Variants in C9orf72 observed in about 807,000 individuals in gnomAD.
C9orf72 encodes the protein C9orf72-SMCR8 complex subunit.
A neutral mutation model predicts 51.6 loss-of-function variants in C9orf72; 44 were observed. The ratio of observed to expected loss-of-function variants is 0.85; its 90% confidence interval spans 0.67 to 1.10. C9orf72 has a LOEUF of 1.10. Among genes scored for constraint, C9orf72 ranks in the 50% least tolerant of loss-of-function variants. The pLI is 0.00. For synonymous variants in C9orf72, 213 were observed against 194.2 expected (o/e 1.10, Z -0.81); for missense variants, 607 against 570.6 (o/e 1.06, Z -0.65).
At chr9:27,561,793 A>G (rs929734934) in intron 4 of C9orf72, 144 bp from the exon 5 acceptor site, 23 of 567,128 alleles carry the variant, frequency 4.1e-5, no homozygotes, top group Admixed American at 1.9e-4. Context: ...CCAAAAAACA[A>G]TCTCTGTGCA....
intron 8 of C9orf72, 142 bp downstream of exon 8, chr9:27,556,419 G>A (rs774896025): frequency 8.2e-6 from 5 of 611,818 alleles, no homozygotes; most frequent in Non-Finnish European, 1.4e-5. Flanking sequence ...AGAAAAAAAT[G>A]CTTGATTAAA....
At chr9:27,561,202 G>C (rs1819338695) in intron 5 of C9orf72, 2 of 992,342 alleles carry the variant, frequency 2.0e-6, no homozygotes, top group Non-Finnish European at 2.4e-6. Context: ...TCCACTGCTG[G>C]ATGGAAAAAG....
At chr9:27,556,053 T>A (rs553875904) in intron 8 of C9orf72, among the ~76,000 whole-genome samples, 10 of 151,468 alleles carry the variant, frequency 6.6e-5, no homozygotes, top group South Asian at 2.1e-4. Flanking sequence ...GGCTTTTTTT[T>A]TTAAAAAAAA....
chr9:27,573,679 A>C (rs1819652490), upstream of C9orf72: 1 of 152,214 alleles, frequency 6.6e-6, no homozygotes, highest in Non-Finnish European at 1.5e-5. Context: ...AGTAGTGGGG[A>C]GAGAGGGTGG....
At chr9:27,548,450 A>AAAAAAAAAAAAAAAAAAC in intron 10 of C9orf72, 28 bp from the exon 11 acceptor site, 1 of 1,418,242 alleles carries the variant, frequency 7.1e-7, no homozygotes, top group Non-Finnish European at 9.4e-7. Context: ...AAAAAAAAAA[A>AAAAAAAAAAAAAAAAAAC]AAAAAAAAAA....
At position 27,564,787 on chromosome 9, in the gene C9orf72, GC is replaced by G. The variant is rs1248830791; in HGVS notation, c.504+743del. Among the ~76,000 whole-genome samples the G allele has an allele frequency of 2.0e-5, 3 of 152,180 alleles. No individual in the cohort carries two copies. The East Asian group carries it at 5.8e-4, about 29-fold the overall frequency. On this transcript the variant is annotated intron_variant, in intron 3 of 10. Transcript: ENST00000380003. ...TTAAAATATTGGAGTTTTACAAGGAGCATTGAGGGTCACCCACAAGAGGAAA... is the reference window on the plus strand; with the variant it reads ...TTAAAATATTGGAGTTTTACAAGGAGATTGAGGGTCACCCACAAGAGGAAA...
chr9:27,553,031 A>G (rs1181692568), intron 8 of C9orf72, among the ~76,000 whole-genome samples: 1 of 152,144 alleles, frequency 6.6e-6, no homozygotes, highest in Non-Finnish European at 1.5e-5. Context: ...TTGAGTAGGA[A>G]TAATACCAGC....
chr9:27,560,091 A>C (rs1819302336), intron 6 of C9orf72, 136 bp downstream of exon 6: 2 of 465,106 alleles, frequency 4.3e-6, no homozygotes, highest in Non-Finnish European at 7.7e-6. Flanking sequence ...AAGGTGTCTT[A>C]GCAATTTGAT....
chr9:27,560,604 T>C, intron 5 of C9orf72: 5 of 949,814 alleles, frequency 5.3e-6, no homozygotes, highest in Non-Finnish European at 6.4e-6. Context: ...TGTAGAGAGA[T>C]TAAGTGACTT....
intron 7 of C9orf72, 38 bp from the exon 8 acceptor site, chr9:27,556,834 C>G (rs763773580): frequency 8.7e-6 from 11 of 1,270,428 alleles, no homozygotes; most frequent in East Asian, 4.6e-5. Flanking sequence ...TCTTACATGC[C>G]AAACGATATG....
chr9:27,555,174 CCA>C (rs1820984695), intron 8 of C9orf72, among the ~76,000 whole-genome samples: 1 of 152,114 alleles, frequency 6.6e-6, no homozygotes. Flanking sequence ...CTAAAATTTA[CCA>C]ATATATAAAA....
intron 3 of C9orf72, 81 bp from the exon 4 acceptor site, chr9:27,562,557 A>G (rs1819376758): frequency 4.9e-6 from 3 of 606,520 alleles, no homozygotes; most frequent in Non-Finnish European, 8.3e-6. Context: ...AATAACATCA[A>G]ACAATAACAT....
intron 1 of C9orf72, among the ~76,000 whole-genome samples, chr9:27,569,171 A>T (rs1819534229): frequency 6.6e-6 from 1 of 152,146 alleles, no homozygotes; most frequent in Non-Finnish European, 1.5e-5. Context: ...TATACAATGT[A>T]TTTGTGTTTC....
At chr9:27,552,809 G>C (rs1820936066) in intron 8 of C9orf72, among the ~76,000 whole-genome samples, 1 of 152,094 alleles carries the variant, frequency 6.6e-6, no homozygotes, top group South Asian at 2.1e-4. Context: ...GCATCCCAGG[G>C]ATAAAGCCTA....
chr9:27,560,465 T>A, intron 5 of C9orf72, 166 bp from the exon 6 acceptor site: 1 of 617,386 alleles, frequency 1.6e-6, no homozygotes, highest in Non-Finnish European at 2.5e-6. Flanking sequence ...GGAACCTACA[T>A]TTTCTAGAGA....
At chr9:27,557,776 C>G (rs892030960) in intron 7 of C9orf72, among the ~76,000 whole-genome samples, 1 of 151,934 alleles carries the variant, frequency 6.6e-6, no homozygotes, top group Non-Finnish European at 1.5e-5. Flanking sequence ...TGAAAATGCA[C>G]AAAAGCCTAA....
chr9:27,548,749 T>G, intron 9 of C9orf72, 83 bp from the exon 10 acceptor site: 1 of 767,902 alleles, frequency 1.3e-6, no homozygotes, highest in South Asian at 1.5e-5. Flanking sequence ...TTGACAGTGC[T>G]TGGCAGACAA....
chr9:27,550,640 C>A lies in C9orf72; in HGVS notation c.1149+10G>T. 1.3e-6 allele frequency: 2 copies of A among 1,546,798 alleles called. No individual in the cohort carries two copies. The highest frequency in any genetic ancestry group is 1.4e-5 in the African/African-American group (1 of 73,090). Reference sequence around the variant, plus strand: ...TCATTCACTCTGACAATCTCAAGTTCAACATTTACCTGATCCAGGAAGGCT... The same window carrying A: ...TCATTCACTCTGACAATCTCAAGTTAAACATTTACCTGATCCAGGAAGGCT... On this transcript the variant is annotated intron_variant, in intron 9 of 10. Coordinates refer to ENST00000380003, the MANE Select transcript of C9orf72 (RefSeq NM_018325.5).
chr9:27,562,334 A>C (rs767958268), intron 4 of C9orf72, 47 bp downstream of exon 4: 1 of 882,478 alleles, frequency 1.1e-6, no homozygotes, highest in Non-Finnish European at 1.7e-6. Context: ...TAATACTATA[A>C]CCCCAAAAAA....
Sources: allele counts gnomAD v4.1 joint callset (sites outside exome capture counted in the v4.1 genomes callset), GRCh38; gene constraint gnomAD v4.1.1; transcripts MANE v1.5; gene names NCBI Gene and HGNC (gene_info 2026-07-23, HGNC 2026-07-21).